The following PTPN2 variants were observed in gnomAD, a reference collection of about 807,000 sequenced individuals.
The protein encoded by PTPN2 is protein tyrosine phosphatase non-receptor type 2, also known as tyrosine-protein phosphatase non-receptor type 2.
In PTPN2, 19 loss-of-function variants were observed where a neutral mutation model predicts 57.3. That is an observed-to-expected ratio of 0.33 (90% confidence interval 0.23 to 0.49). The LOEUF (loss-of-function observed/expected upper bound fraction) is 0.49. Ranked by LOEUF, PTPN2 falls within the 20% of genes least tolerant of loss-of-function variation. PTPN2 has a pLI of 0.99. For missense variants in PTPN2, 358 were observed against 501.1 expected (o/e 0.71, Z 2.73); for synonymous variants, 153 against 164.9 (o/e 0.93, Z 0.55).
At chr18:12,807,604 T>TATATATATATATAA (rs753128305) in intron 7 of PTPN2, among the ~76,000 whole-genome samples, 4 of 95,532 alleles carry the variant, frequency 4.2e-5, no homozygotes, top group South Asian at 4.3e-4. Flanking sequence ...TATATATATA[T>TATATATATATATAA]AATATAATAC....
At chr18:12,877,496 A>G (rs1030952335) in intron 1 of PTPN2, among the ~76,000 whole-genome samples, 1 of 152,228 alleles carries the variant, frequency 6.6e-6, no homozygotes, top group Non-Finnish European at 1.5e-5. Flanking sequence ...TTGTGCAACC[A>G]TGTAAAAGCA....
intron 2 of PTPN2, among the ~76,000 whole-genome samples, chr18:12,849,961 C>T (rs1369724430): frequency 6.6e-6 from 1 of 152,112 alleles, no homozygotes; most frequent in Admixed American, 6.6e-5. Context: ...CCCACTCTTT[C>T]TCCTGATATT....
intron 7 of PTPN2, among the ~76,000 whole-genome samples, chr18:12,811,930 C>T (rs987393466): frequency 6.6e-6 from 1 of 152,180 alleles, no homozygotes; most frequent in Non-Finnish European, 1.5e-5. Flanking sequence ...CTAGCTCTAC[C>T]CATTTCTCTC....
chr18:12,813,245 C>A (rs751653783), intron 7 of PTPN2, among the ~76,000 whole-genome samples: 1 of 152,168 alleles, frequency 6.6e-6, no homozygotes, highest in Non-Finnish European at 1.5e-5. Flanking sequence ...TCTTAAACAT[C>A]TGAAATAACT....
chr18:12,866,800 C>A (rs1256835567), intron 1 of PTPN2, among the ~76,000 whole-genome samples: 3 of 151,982 alleles, frequency 2.0e-5, no homozygotes, highest in Non-Finnish European at 4.4e-5. Flanking sequence ...GTCAGGAGAT[C>A]GAGACCATCC....
chr18:12,862,489 C>T (rs928586283), intron 1 of PTPN2: 1 of 152,258 alleles, frequency 6.6e-6, no homozygotes, highest in African/African-American at 2.4e-5. Flanking sequence ...CTAAAGGTAA[C>T]TGCTTTTGTT....
intron 2 of PTPN2, among the ~76,000 whole-genome samples, chr18:12,842,173 T>A (rs1443749002): frequency 6.6e-6 from 1 of 152,148 alleles, no homozygotes; most frequent in Admixed American, 6.5e-5. Flanking sequence ...CCCAAAGTGT[T>A]GGGATTACAG....
At chr18:12,883,454 C>G (rs930560913) in intron 1 of PTPN2, among the ~76,000 whole-genome samples, 2 of 152,176 alleles carry the variant, frequency 1.3e-5, no homozygotes, top group Non-Finnish European at 2.9e-5. Flanking sequence ...ACCGCGGCTC[C>G]GCCAGGAGAG....
intron 6 of PTPN2, among the ~76,000 whole-genome samples, chr18:12,816,312 A>C (rs2042072456): frequency 1.3e-5 from 2 of 152,156 alleles, no homozygotes; most frequent in Non-Finnish European, 2.9e-5. Flanking sequence ...CAAAGACAAA[A>C]ACAAAATCCC....
chr18:12,791,607 C>T (rs1238072710), downstream of PTPN2, among the ~76,000 whole-genome samples: 4 of 151,910 alleles, frequency 2.6e-5, no homozygotes, highest in Non-Finnish European at 5.9e-5. Context: ...ATGACATCCA[C>T]CAAAAAATAT....
chr18:12,865,406 G>A (rs1034562300), intron 1 of PTPN2, among the ~76,000 whole-genome samples: 9 of 150,726 alleles, frequency 6.0e-5, no homozygotes, highest in Non-Finnish European at 1.3e-4. Context: ...CTGCATGCCA[G>A]CCTGGACAAC....
At chr18:12,847,911 T>C (rs531261685) in intron 2 of PTPN2, among the ~76,000 whole-genome samples, 1 of 141,546 alleles carries the variant, frequency 7.1e-6, no homozygotes, top group African/African-American at 2.7e-5. Context: ...AACTGAATAT[T>C]TAAAAAAAAA....
chr18:12,835,937 C>T (rs571843545), intron 3 of PTPN2, among the ~76,000 whole-genome samples: 49 of 152,130 alleles, frequency 3.2e-4, no homozygotes, highest in African/African-American at 1.1e-3. Flanking sequence ...GCTGTACTAC[C>T]TCAAGTAAAA....
intron 5 of PTPN2, among the ~76,000 whole-genome samples, chr18:12,820,198 A>G (rs1167233364): frequency 6.6e-6 from 1 of 152,178 alleles, no homozygotes; most frequent in Non-Finnish European, 1.5e-5. Flanking sequence ...AGAAATGCTC[A>G]TGACTATTTG....
At chr18:12,870,487 A>G (rs1429119601) in intron 1 of PTPN2, among the ~76,000 whole-genome samples, 1 of 101,416 alleles carries the variant, frequency 9.9e-6, no homozygotes, top group Non-Finnish European at 1.8e-5. Context: ...AGAGAGAGAG[A>G]GAGAGAGAGA....
chr18:12,809,393 A>C (rs139145366), intron 7 of PTPN2, among the ~76,000 whole-genome samples: 1 of 152,340 alleles, frequency 6.6e-6, no homozygotes, highest in Non-Finnish European at 1.5e-5. Flanking sequence ...AGCAGTGACA[A>C]TTGTACATGC....
In PTPN2 at chr18:12,873,294, G is replaced by A. The variant is rs191241071; in HGVS notation, c.69+10779C>T. Among the ~76,000 whole-genome samples, 684 of 145,712 alleles carry A rather than the reference G, an allele frequency of 4.7e-3. 6 individuals are homozygous for A. Among genetic ancestry groups the A allele is most frequent in the South Asian group, 0.013 (60 of 4,698 alleles). ...CTCCCCACGGTCTCCGTCTCCCCAC[G>A]GTCTCCCTCTCCCTCTCTTTCCACA... On this transcript the variant is annotated intron_variant, in intron 1 of 8. Transcript: ENST00000309660.
chr18:12,820,137 AC>A (rs67408206), intron 5 of PTPN2, among the ~76,000 whole-genome samples: 10,232 of 152,094 alleles, frequency 0.067, 528 homozygotes, highest in East Asian at 0.14. Context: ...AGTGGTCTCA[AC>A]TTTTTTCACA....
At chr18:12,798,016 C>T (rs2041258661) in intron 8 of PTPN2, among the ~76,000 whole-genome samples, 1 of 152,174 alleles carries the variant, frequency 6.6e-6, no homozygotes. Context: ...ATGAGCCACT[C>T]TGCCTGCTCC....
Sources: allele counts gnomAD v4.1 joint callset (sites outside exome capture counted in the v4.1 genomes callset), GRCh38; gene constraint gnomAD v4.1.1; transcripts MANE v1.5; gene names NCBI Gene and HGNC (gene_info 2026-07-23, HGNC 2026-07-21).